Variants in DNAAF4 observed in about 807,000 individuals in gnomAD.
The protein encoded by DNAAF4 is dynein axonemal assembly factor 4, also known as dynein assembly factor 4, axonemal.
Under a neutral mutation model 51.8 loss-of-function variants are expected in DNAAF4, and 43 were observed. That is an observed-to-expected ratio of 0.83 (90% CI 0.65 to 1.07). The LOEUF (loss-of-function observed/expected upper bound fraction) is 1.07. Ranked by LOEUF, DNAAF4 falls within the 50% of genes least tolerant of loss-of-function variation. DNAAF4 has a pLI of 0.00. For missense variants in DNAAF4, 581 were observed against 493.0 expected (o/e 1.18, Z -1.69); for synonymous variants, 194 against 165.6 (o/e 1.17, Z -1.32).
At chr15:55,452,106 G>A (rs1297104612) in intron 5 of DNAAF4, among the ~76,000 whole-genome samples, 1 of 151,616 alleles carries the variant, frequency 6.6e-6, no homozygotes, top group Non-Finnish European at 1.5e-5. Context: ...AAATTAGTCA[G>A]GGGTGGTGGC....
At chr15:55,450,134 A>C in intron 6 of DNAAF4, 88 bp downstream of exon 6, 3 of 1,372,906 alleles carry the variant, frequency 2.2e-6, no homozygotes, top group Non-Finnish European at 2.9e-6. Context: ...ATACTTAAGA[A>C]ATTCAGAACC....
rs2057674053 is a variant in DNAAF4 at position 55,439,594 on chromosome 15, A to G, written c.784-13T>C. 2 of 1,608,906 alleles carry G rather than the reference A, an allele frequency of 1.2e-6. No individual in the cohort carries two copies. The highest frequency in any genetic ancestry group is 4.5e-5 in the East Asian group (2 of 44,844). ...GTTTGTGTAGCCACTAGAATGAGAAAGAAGTCTTATGAAGAATAAAAAGGT... is the reference window on the plus strand; with the variant it reads ...GTTTGTGTAGCCACTAGAATGAGAAGGAAGTCTTATGAAGAATAAAAAGGT... On this transcript the variant is annotated splice_polypyrimidine_tract_variant and intron_variant, in intron 6 of 9. Coordinates refer to ENST00000321149, the MANE Select transcript of DNAAF4 (RefSeq NM_130810.4).
At chr15:55,420,658 C>T (rs2057381072) in intron 7 of DNAAF4, among the ~76,000 whole-genome samples, 2 of 152,140 alleles carry the variant, frequency 1.3e-5, no homozygotes, top group Non-Finnish European at 2.9e-5. Context: ...TTTTTCACTT[C>T]CTCAAAACAT....
chr15:55,436,894 C>G (rs924856492), intron 7 of DNAAF4, among the ~76,000 whole-genome samples: 2 of 152,006 alleles, frequency 1.3e-5, no homozygotes, highest in African/African-American at 4.8e-5. Flanking sequence ...GATCTCGATT[C>G]ACCGCAACCT....
intron 5 of DNAAF4, among the ~76,000 whole-genome samples, chr15:55,451,314 T>A (rs185497766): frequency 6.6e-6 from 1 of 152,202 alleles, no homozygotes; most frequent in Non-Finnish European, 1.5e-5. Context: ...TTTATCTTTA[T>A]TTGATCTGTA....
Position 55,470,449 on chromosome 15 carries a change from TG to T in DNAAF4, c.406-3289del, listed in dbSNP as rs201321729. 9.3e-3 allele frequency among the ~76,000 whole-genome samples: 1,409 copies of T among 152,216 alleles called. 16 individuals carry two copies. The highest frequency in any genetic ancestry group is 0.032 in the African/African-American group (1,324 of 41,526). ...CCGGGGAAGGAGCACAGAGTTTCCATGCCTTCTCCCTCCAAGTGTTCAGCAA... is the reference window on the plus strand; with the variant it reads ...CCGGGGAAGGAGCACAGAGTTTCCATCCTTCTCCCTCCAAGTGTTCAGCAA... On this transcript the variant is annotated intron_variant, in intron 4 of 9. Coordinates refer to ENST00000321149, the MANE Select transcript of DNAAF4 (RefSeq NM_130810.4).
Position 55,464,928 on chromosome 15 carries a change from C to A in DNAAF4, c.637+2002G>T, listed in dbSNP as rs1181753453. ...CGAGATCGTGCCATTGCACTCCAGC[C>A]TGGGCAACAAGAGCGAAATTCCATC... On this transcript the variant is annotated intron_variant, in intron 5 of 9. Coordinates refer to ENST00000321149, the MANE Select transcript of DNAAF4 (RefSeq NM_130810.4). 2.6e-5 allele frequency among the ~76,000 whole-genome samples: 4 copies of A among 152,164 alleles called. No individual in the cohort carries two copies. In the East Asian group the frequency reaches 7.7e-4, roughly 29 times the overall value.
chr15:55,493,571 A>G (rs942607232), intron 3 of DNAAF4, among the ~76,000 whole-genome samples: 1 of 152,248 alleles, frequency 6.6e-6, no homozygotes, highest in African/African-American at 2.4e-5. Context: ...AGGAATTTCC[A>G]GAAAAAATGA....
chr15:55,482,849 T>C (rs2058431275), intron 4 of DNAAF4, among the ~76,000 whole-genome samples: 1 of 152,100 alleles, frequency 6.6e-6, no homozygotes, highest in African/African-American at 2.4e-5. Context: ...ATATTATTCA[T>C]CCATAAAAAG....
intron 1 of DNAAF4, among the ~76,000 whole-genome samples, chr15:55,501,859 A>G (rs2058701115): frequency 6.6e-6 from 1 of 151,820 alleles, no homozygotes. Flanking sequence ...CCTGGCCAAC[A>G]TGGTGAAACC....
At chr15:55,432,763 T>C (rs762290677) in intron 8 of DNAAF4, among the ~76,000 whole-genome samples, 161 bp from the exon 9 acceptor site, 1 of 151,468 alleles carries the variant, frequency 6.6e-6, no homozygotes, top group Non-Finnish European at 1.5e-5. Context: ...CTGGCCAACA[T>C]GGCGAAACCC....
intron 4 of DNAAF4, among the ~76,000 whole-genome samples, chr15:55,480,204 G>A (rs1002694651): frequency 1.3e-5 from 2 of 152,050 alleles, no homozygotes; most frequent in East Asian, 1.9e-4. Flanking sequence ...CAGTCCTACC[G>A]ATATGTGATG....
chr15:55,469,056 C>A lies in DNAAF4; in HGVS notation c.406-1895G>T, dbSNP rs976882753. ...AAAAACAGAGTGTACAGTGACCGGG[C>A]GCGGTGGCTCACGCCTGAAATCCCA... On this transcript the variant is annotated intron_variant, in intron 4 of 9. Transcript: ENST00000321149. Among the ~76,000 whole-genome samples, 3 of 152,116 alleles carry A rather than the reference C, an allele frequency of 2.0e-5. 1 individual carries two copies. Among genetic ancestry groups the A allele is most frequent in the African/African-American group, 7.2e-5 (3 of 41,438 alleles).
At chr15:55,438,313 C>G (rs1432783328) in intron 7 of DNAAF4, among the ~76,000 whole-genome samples, 1 of 148,554 alleles carries the variant, frequency 6.7e-6, no homozygotes, top group East Asian at 2.0e-4. Flanking sequence ...ATTGTGCCAT[C>G]ACACGCCAGC....
At chr15:55,418,214 A>T in intron 7 of DNAAF4, 1 of 1,569,166 alleles carries the variant, frequency 6.4e-7, no homozygotes, top group Non-Finnish European at 8.6e-7. Context: ...TTATGTGTTT[A>T]TCTTTTAGGA....
At chr15:55,428,711 A>G (rs138406458), downstream of DNAAF4, among the ~76,000 whole-genome samples, 2 of 149,434 alleles carry the variant, frequency 1.3e-5, no homozygotes, top group South Asian at 2.1e-4. Flanking sequence ...TAGCCAGGAT[A>G]GTCTCGATCT....
intron 1 of DNAAF4, 167 bp from the exon 2 acceptor site, chr15:55,498,751 C>T (rs1055302022): frequency 6.4e-5 from 10 of 156,944 alleles, no homozygotes; most frequent in Non-Finnish European, 1.3e-4. Flanking sequence ...ACTAAAAATA[C>T]AAAATTAGCC....
chr15:55,442,919 C>G, intron 6 of DNAAF4: 1 of 1,611,954 alleles, frequency 6.2e-7, no homozygotes, highest in Non-Finnish European at 8.5e-7. Flanking sequence ...CCAGGTGGTC[C>G]TTCTAGGTAA....
chr15:55,466,285 G>C (rs1042772657), intron 5 of DNAAF4, among the ~76,000 whole-genome samples: 5 of 152,066 alleles, frequency 3.3e-5, no homozygotes, highest in Non-Finnish European at 7.4e-5. Context: ...GCATTAGCTG[G>C]ACATTGAGGC....
Sources: gnomAD v4.1 joint callset for allele counts (sites outside exome capture counted in the v4.1 genomes callset) on GRCh38, gnomAD v4.1.1 for gene constraint, MANE v1.5 for transcripts, NCBI Gene and HGNC (gene_info 2026-07-23, HGNC 2026-07-21) for gene names.